The following OR7E24 variants were observed in gnomAD, a reference collection of about 807,000 sequenced individuals.
The protein encoded by OR7E24 is olfactory receptor family 7 subfamily E member 24.
For missense variants in OR7E24, 385 were observed against 410.3 expected, an observed-to-expected ratio of 0.94 and a Z score of 0.53; for synonymous variants, 130 against 157.5, an observed-to-expected ratio of 0.83 and a Z score of 1.31.
the OR7E24 span, chr19:9,236,175 T>C: frequency 2.9e-6 from 2 of 691,782 alleles, no homozygotes; most frequent in East Asian, 2.7e-5. Flanking sequence ...CTAAAATATA[T>C]GTTGCAGTTT....
chr19:9,242,495 C>T (rs931178101), upstream of OR7E24, among the ~76,000 whole-genome samples: 3 of 152,184 alleles, frequency 2.0e-5, no homozygotes, highest in Non-Finnish European at 4.4e-5. Context: ...AGTGATCCAC[C>T]TGCCTCGGCC....
the OR7E24 span, among the ~76,000 whole-genome samples, chr19:9,230,796 T>A: frequency 6.6e-6 from 1 of 152,216 alleles, no homozygotes; most frequent in Non-Finnish European, 1.5e-5. Flanking sequence ...TCGGGCCAAT[T>A]TCCTTTATTT....
the OR7E24 span, among the ~76,000 whole-genome samples, chr19:9,233,032 C>T: frequency 6.6e-6 from 1 of 152,136 alleles, no homozygotes; most frequent in Admixed American, 6.6e-5. Flanking sequence ...TCACTGGTCT[C>T]TCAAGTCCCA....
At chr19:9,216,541 A>G in the OR7E24 span, among the ~76,000 whole-genome samples, 2 of 152,162 alleles carry the variant, frequency 1.3e-5, no homozygotes, top group Non-Finnish European at 2.9e-5. Context: ...TCATTTGTCT[A>G]CTATGATTTC....
chr19:9,228,787 A>T, the OR7E24 span, among the ~76,000 whole-genome samples: 1 of 152,188 alleles, frequency 6.6e-6, no homozygotes, highest in African/African-American at 2.4e-5. Context: ...ATGCTGGTTA[A>T]ACCACAAAGG....
At chr19:9,216,155 C>A in the OR7E24 span, among the ~76,000 whole-genome samples, 1 of 152,206 alleles carries the variant, frequency 6.6e-6, no homozygotes, top group Non-Finnish European at 1.5e-5. Flanking sequence ...CTGGGTCCCT[C>A]CCATTACACA....
At chr19:9,240,228 T>C in the OR7E24 span, among the ~76,000 whole-genome samples, 2 of 152,182 alleles carry the variant, frequency 1.3e-5, no homozygotes, top group African/African-American at 2.4e-5. Context: ...CTTCACTCTA[T>C]AGATTGTTTC....
upstream of OR7E24, chr19:9,247,597 C>T (rs1323646166): frequency 5.0e-6 from 2 of 398,504 alleles, no homozygotes; most frequent in Non-Finnish European, 8.8e-6. Context: ...GATGGGAGGA[C>T]ACCAATGTGC....
the OR7E24 span, chr19:9,207,357 T>C: frequency 2.0e-5 from 3 of 152,178 alleles, no homozygotes; most frequent in Non-Finnish European, 4.4e-5. Flanking sequence ...TATTCAGCCT[T>C]TAAGAAATGA....
upstream of OR7E24, among the ~76,000 whole-genome samples, chr19:9,249,064 G>A (rs2066138138): frequency 6.6e-6 from 1 of 152,184 alleles, no homozygotes; most frequent in Admixed American, 6.5e-5. Flanking sequence ...CTATGTGATG[G>A]ATGCATAAAG....
chr19:9,211,809 T>G, the OR7E24 span: 1 of 151,238 alleles, frequency 6.6e-6, no homozygotes, highest in Admixed American at 6.6e-5. Flanking sequence ...GTGCAACATA[T>G]TCTTCTCATG....
At chr19:9,217,995 T>C in the OR7E24 span, among the ~76,000 whole-genome samples, 3 of 152,210 alleles carry the variant, frequency 2.0e-5, no homozygotes, top group Non-Finnish European at 4.4e-5. Flanking sequence ...GCGGGATATG[T>C]ATTTGATGAC....
chr19:9,234,181 C>T, the OR7E24 span, among the ~76,000 whole-genome samples: 8 of 152,148 alleles, frequency 5.3e-5, no homozygotes, highest in South Asian at 4.1e-4. Context: ...GGATTACAGG[C>T]GTGAGCCACT....
the OR7E24 span, chr19:9,207,822 A>G: frequency 6.6e-6 from 1 of 151,982 alleles, no homozygotes; most frequent in African/African-American, 2.4e-5. Flanking sequence ...TGAACACTGA[A>G]TTTTACTACA....
At chr19:9,231,489 A>T in the OR7E24 span, among the ~76,000 whole-genome samples, 1 of 152,182 alleles carries the variant, frequency 6.6e-6, no homozygotes, top group African/African-American at 2.4e-5. Flanking sequence ...CTGCGGCAGG[A>T]GAATCGCTTG....
chr19:9,224,227 C>T, the OR7E24 span, among the ~76,000 whole-genome samples: 1 of 152,126 alleles, frequency 6.6e-6, no homozygotes, highest in African/African-American at 2.4e-5. Context: ...GTGCCATTTC[C>T]ACCATGGATT....
At chr19:9,220,132 A>G in the OR7E24 span, among the ~76,000 whole-genome samples, 12 of 152,242 alleles carry the variant, frequency 7.9e-5, no homozygotes, top group African/African-American at 2.9e-4. Context: ...TACATTGTGG[A>G]CATTCAATGT....
chr19:9,208,504 T>C, the OR7E24 span: 4 of 152,186 alleles, frequency 2.6e-5, no homozygotes, highest in African/African-American at 9.6e-5. Context: ...TATTTCCGGT[T>C]GCTGTGTGAC....
upstream of OR7E24, among the ~76,000 whole-genome samples, chr19:9,245,325 G>A (rs149186383): frequency 2.4e-3 from 365 of 152,172 alleles, 3 homozygotes; most frequent in African/African-American, 8.1e-3. Context: ...CTCATCAATA[G>A]GGGCATGCAA....
Sources: gnomAD v4.1 joint callset for allele counts (sites outside exome capture counted in the v4.1 genomes callset) on GRCh38, gnomAD v4.1.1 for gene constraint, MANE v1.5 for transcripts, NCBI Gene and HGNC (gene_info 2026-07-23, HGNC 2026-07-21) for gene names.